The following NLGN1 variants were observed in gnomAD, a reference collection of about 807,000 sequenced individuals.
The protein encoded by NLGN1 is neuroligin-1.
NLGN1 carries 12 observed loss-of-function variants against 65.5 expected under a neutral mutation model. The observed-to-expected ratio is 0.18, with a 90% CI of 0.12 to 0.30. The LOEUF (loss-of-function observed/expected upper bound fraction) is 0.30, where lower values mean the gene tolerates loss of function less well. NLGN1 is among the 10% of genes least tolerant of loss of function. The pLI is 1.00. For synonymous variants in NLGN1, 350 were observed against 359.5 expected (o/e 0.97, Z 0.30); for missense variants, 750 against 1,007.1 (o/e 0.74, Z 3.46).
chr3:173,445,946 A>G (rs2148819003), intron 2 of NLGN1, among the ~76,000 whole-genome samples: 1 of 152,320 alleles, frequency 6.6e-6, no homozygotes, highest in Admixed American at 6.5e-5. Context: ...CATTTGATCT[A>G]TCCACCCTTG....
exon 7 of NLGN1, chr3:174,281,108 C>G (rs1488991072): frequency 6.2e-7 from 1 of 1,613,348 alleles, no homozygotes; most frequent in Non-Finnish European, 8.5e-7. Context: ...CCGCCTGTCC[C>G]CCAGATTACA....
chr3:174,127,793 C>T (rs894422657), intron 4 of NLGN1, among the ~76,000 whole-genome samples: 8 of 152,106 alleles, frequency 5.3e-5, no homozygotes, highest in African/African-American at 1.9e-4. Context: ...AGGTCTCTTT[C>T]TAGAATTTGG....
At chr3:173,837,729 A>G (rs1045231679) in intron 4 of NLGN1, among the ~76,000 whole-genome samples, 7 of 152,208 alleles carry the variant, frequency 4.6e-5, no homozygotes, top group South Asian at 2.1e-4. Context: ...GCATACTTAC[A>G]TATACATTTA....
chr3:173,466,088 G>A (rs1378007204), intron 2 of NLGN1, among the ~76,000 whole-genome samples: 1 of 152,148 alleles, frequency 6.6e-6, no homozygotes, highest in Non-Finnish European at 1.5e-5. Context: ...TGATGCATGC[G>A]TAACTTGAGG....
At chr3:173,523,062 T>C (rs1425154724) in intron 2 of NLGN1, among the ~76,000 whole-genome samples, 1 of 151,704 alleles carries the variant, frequency 6.6e-6, no homozygotes, top group Non-Finnish European at 1.5e-5. Flanking sequence ...TGGACAGTTG[T>C]ATGTCTTCTT....
chr3:174,104,018 C>T (rs970543089), intron 4 of NLGN1, among the ~76,000 whole-genome samples: 1 of 152,082 alleles, frequency 6.6e-6, no homozygotes, highest in African/African-American at 2.4e-5. Context: ...CTTCTCACCT[C>T]ATAGAGTAAT....
At chr3:173,473,854 C>T (rs948875749) in intron 2 of NLGN1, among the ~76,000 whole-genome samples, 1 of 152,092 alleles carries the variant, frequency 6.6e-6, no homozygotes, top group Non-Finnish European at 1.5e-5. Flanking sequence ...TGCTAGCGGG[C>T]GAATAACACA....
chr3:174,018,011 G>A (rs1017517574), intron 4 of NLGN1, among the ~76,000 whole-genome samples: 2 of 152,026 alleles, frequency 1.3e-5, no homozygotes, highest in African/African-American at 4.8e-5. Context: ...TCCCTTATCT[G>A]CAACCATAAA....
At chr3:173,480,675 G>A (rs1364106774) in intron 2 of NLGN1, among the ~76,000 whole-genome samples, 1 of 152,010 alleles carries the variant, frequency 6.6e-6, no homozygotes. Flanking sequence ...GAAATCTCTA[G>A]GTAATTCAAC....
chr3:173,398,677 T>G (rs1038313601), intron 1 of NLGN1, among the ~76,000 whole-genome samples: 1 of 152,222 alleles, frequency 6.6e-6, no homozygotes, highest in Non-Finnish European at 1.5e-5. Context: ...CTATTTCTTT[T>G]TGCATTTCCA....
Position 173,510,216 on chromosome 3 carries a change from A to T in NLGN1, c.-321+75138A>T, listed in dbSNP as rs1317313154. 5.9e-5 allele frequency among the ~76,000 whole-genome samples: 9 copies of T among 152,102 alleles called. No homozygotes were observed. In the South Asian group the frequency reaches 1.9e-3, roughly 32 times the overall value. On this transcript the variant is annotated intron_variant, in intron 2 of 6. Coordinates refer to ENST00000457714, the Ensembl canonical transcript of NLGN1. ...CTGGAGAACAAGTAGAGAAACTGAGACTCCAACTCTTTCTTTAAATTTGGT... is the reference window on the plus strand; with the variant it reads ...CTGGAGAACAAGTAGAGAAACTGAGTCTCCAACTCTTTCTTTAAATTTGGT...
chr3:173,465,314 G>T (rs1045078639), intron 2 of NLGN1, among the ~76,000 whole-genome samples: 1 of 152,140 alleles, frequency 6.6e-6, no homozygotes, highest in African/African-American at 2.4e-5. Flanking sequence ...TTGTTGCTGA[G>T]AACTTCTTGG....
Position 173,835,458 on chromosome 3 carries a change from A to G in NLGN1, c.646+27626A>G, listed in dbSNP as rs536915387. On this transcript the variant is annotated intron_variant, in intron 4 of 6. Coordinates refer to ENST00000457714, the Ensembl canonical transcript of NLGN1. Reference sequence around the variant, plus strand: ...AGGCTGGATTGTTTTCTTTGGATACATATTTCATTATCAATCATCTAAGAA... The same window carrying G: ...AGGCTGGATTGTTTTCTTTGGATACGTATTTCATTATCAATCATCTAAGAA... 1.8e-4 allele frequency among the ~76,000 whole-genome samples: 28 copies of G among 152,224 alleles called. No homozygotes were observed. In the South Asian group the frequency reaches 4.1e-3, roughly 23 times the overall value.
At chr3:174,256,766 T>C (rs983325479) in intron 4 of NLGN1, among the ~76,000 whole-genome samples, 4 of 152,128 alleles carry the variant, frequency 2.6e-5, no homozygotes, top group Admixed American at 6.5e-5. Flanking sequence ...CAATTCAAGA[T>C]GGATTAAAGA....
chr3:173,882,652 A>AT (rs752854899), intron 4 of NLGN1, among the ~76,000 whole-genome samples: 62 of 152,230 alleles, frequency 4.1e-4, no homozygotes, highest in Non-Finnish European at 7.2e-4. Context: ...CCTTCATAGA[A>AT]TTGAAGAGAG....
At chr3:173,577,254 T>A (rs546383801) in intron 2 of NLGN1, among the ~76,000 whole-genome samples, 1 of 152,324 alleles carries the variant, frequency 6.6e-6, no homozygotes, top group South Asian at 2.1e-4. Context: ...GTATTACACA[T>A]AAGCCAAGAA....
At chr3:173,419,235 G>A (rs1191819805) in intron 1 of NLGN1, among the ~76,000 whole-genome samples, 4 of 151,044 alleles carry the variant, frequency 2.6e-5, no homozygotes, top group Admixed American at 2.0e-4. Flanking sequence ...GTATACATTG[G>A]TTTTAGGGTG....
intron 4 of NLGN1, among the ~76,000 whole-genome samples, chr3:174,020,745 T>C (rs1309278417): frequency 6.6e-6 from 1 of 152,068 alleles, no homozygotes; most frequent in Non-Finnish European, 1.5e-5. Context: ...TGAAGAAAAA[T>C]CTTCAGTTTA....
intron 4 of NLGN1, among the ~76,000 whole-genome samples, chr3:173,989,480 C>G (rs1312349607): frequency 6.6e-6 from 1 of 152,090 alleles, no homozygotes; most frequent in Non-Finnish European, 1.5e-5. Context: ...GTCTGAGAAG[C>G]CTCCTTTAGG....
Sources: gnomAD v4.1 joint callset for allele counts (sites outside exome capture counted in the v4.1 genomes callset) on GRCh38, gnomAD v4.1.1 for gene constraint, MANE v1.5 for transcripts, NCBI Gene and HGNC (gene_info 2026-07-23, HGNC 2026-07-21) for gene names.